ALKAL1: variants seen among roughly 807,000 people sequenced by gnomAD.
ALKAL1 encodes ALK and LTK ligand 1.
A neutral mutation model predicts 13.5 loss-of-function variants in ALKAL1; 23 were observed. The observed-to-expected ratio is 1.70, with a 90% CI of 1.23 to 2.41. The LOEUF (loss-of-function observed/expected upper bound fraction) is 2.41, where lower values mean the gene tolerates loss of function less well. ALKAL1 is among the 30% of genes most tolerant of loss of function. The pLI is 0.00. For missense variants in ALKAL1, 181 were observed against 178.4 expected (o/e 1.01, Z -0.08); for synonymous variants, 85 against 77.7 (o/e 1.09, Z -0.49).
Position 52,557,121 on chromosome 8 carries a change from G to A in ALKAL1, c.190+7946C>T, listed in dbSNP as rs141364651. Among the ~76,000 whole-genome samples the A allele has an allele frequency of 1.1e-3, 175 of 152,270 alleles. 1 individual carries two copies. The highest frequency in any genetic ancestry group is 4.1e-3 in the African/African-American group (169 of 41,550). ...TTCTCAGCATCAGGCATATATGCTG[G>A]CAATAGAAAATCTCCTATAAACAAA... On this transcript the variant is annotated intron_variant, in intron 1 of 4. Transcript: ENST00000358543.
chr8:52,547,352 T>C (rs751194440), intron 1 of ALKAL1, among the ~76,000 whole-genome samples: 2 of 151,780 alleles, frequency 1.3e-5, no homozygotes, highest in Non-Finnish European at 2.9e-5. Context: ...ACAAAAAAAT[T>C]AGCCTAGCGT....
At chr8:52,562,531 G>A (rs1847561064) in intron 1 of ALKAL1, among the ~76,000 whole-genome samples, 1 of 152,116 alleles carries the variant, frequency 6.6e-6, no homozygotes, top group Non-Finnish European at 1.5e-5. Flanking sequence ...CCCACTCTCC[G>A]CAATCCTCGG....
intron 1 of ALKAL1, among the ~76,000 whole-genome samples, chr8:52,543,129 C>T (rs1433322674): frequency 6.6e-6 from 1 of 152,232 alleles, no homozygotes; most frequent in Non-Finnish European, 1.5e-5. Flanking sequence ...CTTCTACTCA[C>T]TAAAACTACA....
intron 1 of ALKAL1, among the ~76,000 whole-genome samples, chr8:52,545,018 C>G (rs991768479): frequency 6.6e-6 from 1 of 152,090 alleles, no homozygotes; most frequent in Non-Finnish European, 1.5e-5. Flanking sequence ...TGGGCTCAAG[C>G]GATCCTCCCA....
chr8:52,555,800 C>A (rs34380205), intron 1 of ALKAL1, among the ~76,000 whole-genome samples: 8 of 152,120 alleles, frequency 5.3e-5, no homozygotes, highest in East Asian at 1.9e-4. Flanking sequence ...ACATTTTCCC[C>A]GTTCCTCCTT....
intron 4 of ALKAL1, among the ~76,000 whole-genome samples, chr8:52,536,782 T>C (rs1847270400): frequency 6.6e-6 from 1 of 152,218 alleles, no homozygotes. Context: ...TGCATAATCA[T>C]AAAATAACAC....
chr8:52,565,133 G>T lies in ALKAL1; in HGVS notation c.124C>A (p.Pro42Thr). 7.1e-7 allele frequency: 1 copy of T among 1,415,510 alleles called. No homozygotes were observed. The highest frequency in any genetic ancestry group is 1.5e-5 in the South Asian group (1 of 66,584). 87.7% of individuals were successfully genotyped at this position (1,415,510 alleles called of 1,614,324 possible). The change falls in exon 1 of 5, where the codon CCC becomes ACC. Residue 42 changes from proline (P) to threonine (T), a missense_variant. By Grantham distance (38) the Pro-to-Thr change is conservative (BLOSUM62 -1). Coordinates refer to ENST00000358543, the MANE Select transcript of ALKAL1 (RefSeq NM_207413.4). Reference sequence around the variant, plus strand: ...GCGGGGAGGAAAAGCAACGGCTTGGGCTCCTTATCCGTGACGCGCGCTCCC... The same window carrying T: ...GCGGGGAGGAAAAGCAACGGCTTGGTCTCCTTATCCGTGACGCGCGCTCCC... The part of the protein sequence containing the change: ...RRGARVTDKE[P>T]KPLLFLPAAG...
rs148018657 is a variant in ALKAL1, at chr8:52,557,424, G to A, written c.190+7643C>T. 6.4e-4 allele frequency among the ~76,000 whole-genome samples: 97 copies of A among 152,288 alleles called. No homozygotes were observed. In the East Asian group the frequency reaches 0.011, roughly 18 times the overall value. ...CTGGAACCAGTGCTTTCTGTCTCAT[G>A]GAAATGATCAATAGCCAATCTGATA... On this transcript the variant is annotated intron_variant, in intron 1 of 4. Coordinates refer to ENST00000358543, the MANE Select transcript of ALKAL1 (RefSeq NM_207413.4).
At chr8:52,539,439 T>C (rs987764973) in intron 3 of ALKAL1, among the ~76,000 whole-genome samples, 2 of 152,208 alleles carry the variant, frequency 1.3e-5, no homozygotes, top group African/African-American at 4.8e-5. Flanking sequence ...TGATGTGCTA[T>C]AAAAAATATT....
At chr8:52,550,936 A>G (rs1187873783) in intron 1 of ALKAL1, among the ~76,000 whole-genome samples, 2 of 152,162 alleles carry the variant, frequency 1.3e-5, no homozygotes, top group Admixed American at 1.3e-4. Flanking sequence ...GCACTAGGGG[A>G]CTAGATCCTC....
Position 52,542,462 on chromosome 8 carries a change from A to T in ALKAL1, c.191-17T>A, listed in dbSNP as rs556177358. 14 of 1,452,182 alleles carry T rather than the reference A, an allele frequency of 9.6e-6. No individual in the cohort carries two copies. The African/African-American group carries it at 1.9e-4, about 19-fold the overall frequency. 90.0% of individuals were successfully genotyped at this position (1,452,182 alleles called of 1,614,324 possible). On this transcript the variant is annotated splice_polypyrimidine_tract_variant and intron_variant, in intron 1 of 4. Coordinates refer to ENST00000358543, the MANE Select transcript of ALKAL1 (RefSeq NM_207413.4). ...GGAATATTTCTGAAAAGAAAAAAAAAACCATCAGAATTTATTGAATGCATT... is the reference window on the plus strand; with the variant it reads ...GGAATATTTCTGAAAAGAAAAAAAATACCATCAGAATTTATTGAATGCATT...
intron 1 of ALKAL1, among the ~76,000 whole-genome samples, chr8:52,561,810 A>G (rs1172910789): frequency 6.6e-6 from 1 of 152,206 alleles, no homozygotes; most frequent in Non-Finnish European, 1.5e-5. Context: ...CAAGCACAAC[A>G]ACACAAATCT....
At chr8:52,563,230 G>A (rs948822899) in intron 1 of ALKAL1, among the ~76,000 whole-genome samples, 5 of 152,036 alleles carry the variant, frequency 3.3e-5, no homozygotes, top group East Asian at 1.9e-4. Flanking sequence ...CCAGCCTAGC[G>A]CAACATGGTG....
chr8:52,539,799 T>TAA (rs34430102), intron 3 of ALKAL1, 32 bp downstream of exon 3: 78,875 of 1,201,080 alleles, frequency 0.066, 2 homozygotes, highest in East Asian at 0.1. Context: ...GTTGGATAAT[T>TAA]AAAAAAAAAA....
rs749516900 is a variant in ALKAL1, at chr8:52,565,110, G to C, written c.147C>G (p.Pro49=). 7.1e-6 allele frequency: 10 copies of C among 1,415,814 alleles called. No individual in the cohort carries two copies. Among genetic ancestry groups the C allele is most frequent in the African/African-American group, 4.5e-5 (3 of 66,632 alleles). 87.7% of individuals were successfully genotyped at this position (1,415,814 alleles called of 1,614,324 possible). The change falls in exon 1 of 5, where the codon CCC becomes CCG. Residue 49 remains proline, a synonymous_variant. Coordinates refer to ENST00000358543, the MANE Select transcript of ALKAL1 (RefSeq NM_207413.4). ...TGGGAGTCCGGCCGGCCCCGGCCGC[G>C]GGGAGGAAAAGCAACGGCTTGGGCT... is the stretch of plus-strand genomic sequence containing the variant. ...DKEPKPLLFL[P]AAGAGRTPSG...
At chr8:52,535,890 C>G (rs931500714) in intron 4 of ALKAL1, among the ~76,000 whole-genome samples, 1 of 152,078 alleles carries the variant, frequency 6.6e-6, no homozygotes, top group Admixed American at 6.6e-5. Context: ...TTGAGTTACA[C>G]TGGCCAGTTC....
At chr8:52,550,827 C>T (rs1189161867) in intron 1 of ALKAL1, among the ~76,000 whole-genome samples, 3 of 152,126 alleles carry the variant, frequency 2.0e-5, no homozygotes, top group Admixed American at 2.0e-4. Context: ...ATTAAGACAT[C>T]AGTTATACTG....
intron 1 of ALKAL1, among the ~76,000 whole-genome samples, chr8:52,543,313 C>T (rs1307567117): frequency 6.6e-6 from 1 of 152,232 alleles, no homozygotes; most frequent in East Asian, 1.9e-4. Context: ...TGTCATCCCC[C>T]TCTAGGAGAG....
Position 52,539,863 on chromosome 8 carries a change from TAG to T in ALKAL1, c.291_292del (p.Tyr98LeufsTer17). ...CGTTGAGCACTCCCTGGTATTGTAATAGAGTCGGTGGAAATGTTTGCTGCATT... is the reference window on the plus strand; with the variant it reads ...CGTTGAGCACTCCCTGGTATTGTAATAGTCGGTGGAAATGTTTGCTGCATT... On this transcript the variant is annotated frameshift_variant, in exon 3 of 5. Transcript: ENST00000358543. LOFTEE classifies it high-confidence loss of function. The T allele has an allele frequency of 6.2e-7, 1 of 1,612,860 alleles. No homozygotes were observed. The highest frequency in any genetic ancestry group is 8.5e-7 in the Non-Finnish European group (1 of 1,179,760).
Sources: gnomAD v4.1 joint callset for allele counts (sites outside exome capture counted in the v4.1 genomes callset) on GRCh38, gnomAD v4.1.1 for gene constraint, MANE v1.5 for transcripts, NCBI Gene and HGNC (gene_info 2026-07-23, HGNC 2026-07-21) for gene names.